TACC2: variants seen among roughly 807,000 people sequenced by gnomAD.
TACC2 encodes transforming acidic coiled-coil containing protein 2.
In TACC2, 137 loss-of-function variants were observed where a neutral mutation model predicts 227.3. The ratio of observed to expected loss-of-function variants is 0.60; its 90% CI spans 0.52 to 0.69. The LOEUF is 0.69. TACC2 is among the 30% of genes least tolerant of loss of function. The pLI, the probability that TACC2 is intolerant of heterozygous loss-of-function variation, is 0.00. For missense variants in TACC2, 3,470 were observed against 3,694.4 expected, an observed-to-expected ratio of 0.94 and a Z score of 1.57; for synonymous variants, 1,523 against 1,487.5, an observed-to-expected ratio of 1.02 and a Z score of -0.55.
intron 5 of TACC2, among the ~76,000 whole-genome samples, chr10:122,107,876 A>ATTTTTTTTTTTTTTTTT (rs1464725854): frequency 3.5e-5 from 3 of 85,586 alleles, no homozygotes; most frequent in South Asian, 4.2e-4. Context: ...ATATATATAT[A>ATTTTTTTTTTTTTTTTT]TATATTTTTT....
chr10:122,119,835 C>T (rs545219246), intron 5 of TACC2, among the ~76,000 whole-genome samples: 24 of 151,904 alleles, frequency 1.6e-4, no homozygotes, highest in Non-Finnish European at 3.2e-4. Flanking sequence ...AGGAGAATTG[C>T]TTAAACCCGG....
chr10:122,042,263 G>T (rs2136031747), intron 2 of TACC2, among the ~76,000 whole-genome samples: 1 of 151,754 alleles, frequency 6.6e-6, no homozygotes, highest in African/African-American at 2.4e-5. Context: ...TTCTTTTTGA[G>T]AGAGAGTCTC....
chr10:122,172,513 C>G lies in TACC2; in HGVS notation c.5835-22527C>G, dbSNP rs151238936. Among the ~76,000 whole-genome samples the G allele has an allele frequency of 2.9e-3, 437 of 152,320 alleles. 1 individual carries two copies. The highest frequency in any genetic ancestry group is 9.8e-3 in the African/African-American group (409 of 41,574). On this transcript the variant is annotated intron_variant, in intron 7 of 22. Coordinates refer to ENST00000369005, the MANE Select transcript of TACC2 (RefSeq NM_206862.4). ...CCCCTGGTGGAAGCTGCACATTGTT[C>G]ATTGTTCTGCGTTAAAGGGAGGCGC...
At chr10:122,249,474 AC>A in intron 21 of TACC2, 69 bp from the exon 22 acceptor site, 2 of 1,575,498 alleles carry the variant, frequency 1.3e-6, no homozygotes, top group Non-Finnish European at 1.7e-6. Flanking sequence ...CCCTGCCTGG[AC>A]CTGGGAAGCA....
In TACC2 at chr10:122,194,347, C is replaced by T. The variant is rs571917851; in HGVS notation, c.5835-693C>T. ...GTGAAGAGTCTTCCTTGAGAACAGA[C>T]TTTCCTGCAGACCAGCGAGGGCCAT... On this transcript the variant is annotated intron_variant, in intron 7 of 22. Transcript: ENST00000369005. The surrounding 1 kb of genome is among the most constrained non-coding windows in gnomAD (Gnocchi z 4.4). 6.6e-6 allele frequency among the ~76,000 whole-genome samples: 1 copy of T among 152,308 alleles called. No homozygotes were observed. Among genetic ancestry groups the T allele is most frequent in the South Asian group, 2.1e-4 (1 of 4,814 alleles).
Position 122,087,745 on chromosome 10 carries a change from C to G in TACC2, c.5245C>G (p.Pro1749Ala). Residue 1749 changes from proline (P) to alanine (A), a missense_variant, in exon 4 of 23, where the codon CCA (proline) becomes GCA (alanine). Physicochemically the swap from Pro to Ala is conservative, Grantham distance 27. Coordinates refer to ENST00000369005, the MANE Select transcript of TACC2 (RefSeq NM_206862.4). ...GGTGCTGCCAGGAAGCTGTCAGGACCCAGCCTGCTCTGACAAGGCTCCGGG... is the reference window on the plus strand; with the variant it reads ...GGTGCTGCCAGGAAGCTGTCAGGACGCAGCCTGCTCTGACAAGGCTCCGGG... ...DLVLPGSCQD[P>A]ACSDKAPGME... is the part of the protein sequence containing the mutation. 4 of 1,611,364 alleles carry G rather than the reference C, an allele frequency of 2.5e-6. No homozygotes were observed. Among genetic ancestry groups the G allele is most frequent in the Non-Finnish European group, 3.4e-6 (4 of 1,179,104 alleles).
At chr10:122,246,322 G>T (rs1306076531) in intron 19 of TACC2, among the ~76,000 whole-genome samples, 1 of 152,186 alleles carries the variant, frequency 6.6e-6, no homozygotes. Context: ...GCAAGCTTAT[G>T]TCGGGACCGG....
Position 122,113,535 on chromosome 10 carries a change from G to T in TACC2, c.5574-19074G>T, listed in dbSNP as rs544405623. Among the ~76,000 whole-genome samples, 4 of 152,234 alleles carry T rather than the reference G, an allele frequency of 2.6e-5. No individual in the cohort carries two copies. The South Asian group carries it at 8.3e-4, about 32-fold the overall frequency. The stretch of plus-strand genomic sequence containing the variant: ...GCGCCAGTGGCTGGGATTCCCGCTC[G>T]CGGTTGGGGTCCCCGCGCGTGGTTG... On this transcript the variant is annotated intron_variant, in intron 5 of 22. Coordinates refer to ENST00000369005, the MANE Select transcript of TACC2 (RefSeq NM_206862.4).
chr10:122,202,922 T>C (rs1468928999), intron 8 of TACC2, among the ~76,000 whole-genome samples: 1 of 151,248 alleles, frequency 6.6e-6, no homozygotes, highest in Non-Finnish European at 1.5e-5. Flanking sequence ...CCGCCCTTAA[T>C]CCATTCAACC....
intron 7 of TACC2, among the ~76,000 whole-genome samples, chr10:122,189,163 G>T (rs1160147265): frequency 6.6e-6 from 1 of 152,144 alleles, no homozygotes. Context: ...CCAGCGAGGT[G>T]TGTGTGTGTG....
Position 122,040,147 on chromosome 10 carries a change from T to C in TACC2, c.34-10291T>C, listed in dbSNP as rs1037443613. Among the ~76,000 whole-genome samples the C allele has an allele frequency of 2.0e-5, 3 of 152,156 alleles. No homozygotes were observed. The East Asian group carries it at 5.8e-4, about 29-fold the overall frequency. ...TGCACAGGTGATGTATTGCACCACC[T>C]GATGGTTGGAAATGAAGAGAAATGT... is the stretch of plus-strand genomic sequence containing the variant. On this transcript the variant is annotated intron_variant, in intron 2 of 22. Coordinates refer to ENST00000369005, the MANE Select transcript of TACC2 (RefSeq NM_206862.4).
Position 122,163,893 on chromosome 10 carries a change from G to A in TACC2, c.5834+20187G>A, listed in dbSNP as rs1387074372. ...TCGCGCCAGGACGCTGGCCCCGCTCGCGGCTAGCTTGCACGCCAGGGCACA... is the reference window on the plus strand; with the variant it reads ...TCGCGCCAGGACGCTGGCCCCGCTCACGGCTAGCTTGCACGCCAGGGCACA... On this transcript the variant is annotated intron_variant, in intron 7 of 22. Coordinates refer to ENST00000369005, the MANE Select transcript of TACC2 (RefSeq NM_206862.4). 2.6e-6 allele frequency: 4 copies of A among 1,548,600 alleles called. No individual in the cohort carries two copies. In the African/African-American group the frequency reaches 5.5e-5, roughly 21 times the overall value.
chr10:122,016,491 C>T (rs554482123), intron 1 of TACC2, among the ~76,000 whole-genome samples: 25 of 150,714 alleles, frequency 1.7e-4, no homozygotes, highest in African/African-American at 5.6e-4. Flanking sequence ...TGCTTGAACC[C>T]GGGAGATGGA....
At chr10:122,131,124 G>A (rs930368742) in intron 5 of TACC2, among the ~76,000 whole-genome samples, 3 of 149,498 alleles carry the variant, frequency 2.0e-5, no homozygotes, top group Non-Finnish European at 2.9e-5. Flanking sequence ...GTTACAGTGA[G>A]CCGTCATGGA....
intron 3 of TACC2, among the ~76,000 whole-genome samples, chr10:122,066,896 T>C (rs970510814): frequency 6.6e-6 from 1 of 152,252 alleles, no homozygotes; most frequent in Non-Finnish European, 1.5e-5. Context: ...ATCTTTAATA[T>C]CTCACAATCT....
Position 122,083,926 on chromosome 10 carries a change from G to A in TACC2, c.1426G>A (p.Gly476Arg). 1 of 1,614,094 alleles carries A rather than the reference G, an allele frequency of 6.2e-7. No homozygotes were observed. The highest frequency in any genetic ancestry group is 1.1e-5 in the South Asian group (1 of 91,082). ...ACTGGAGAGGCAGGTGTCAGATCTTGGAAGCAAGGGAGAGCATCCAGAAGG... is the reference window on the plus strand; with the variant it reads ...ACTGGAGAGGCAGGTGTCAGATCTTAGAAGCAAGGGAGAGCATCCAGAAGG... ...VGLERQVSDL[G>R]SKGEHPEGDP... The change falls in exon 4 of 23, where the codon GGA (glycine) becomes AGA (arginine). Residue 476 changes from glycine (G) to arginine (R), a missense_variant. Physicochemically the swap from Gly to Arg is moderately radical, Grantham distance 125 (BLOSUM62 -2). Transcript: ENST00000369005.
At chr10:122,097,104 T>C (rs1032383163) in intron 5 of TACC2, among the ~76,000 whole-genome samples, 4 of 152,246 alleles carry the variant, frequency 2.6e-5, no homozygotes, top group South Asian at 2.1e-4. Context: ...GGTGGGAGGA[T>C]TGCTTGAGCC....
At chr10:122,003,954 C>T (rs893806127) in intron 1 of TACC2, among the ~76,000 whole-genome samples, 1 of 152,058 alleles carries the variant, frequency 6.6e-6, no homozygotes, top group Non-Finnish European at 1.5e-5. Flanking sequence ...CTGCGCCCAG[C>T]CCTAAACTGC....
chr10:122,004,393 G>A (rs1179579623), intron 1 of TACC2, among the ~76,000 whole-genome samples: 3 of 134,074 alleles, frequency 2.2e-5, no homozygotes, highest in Non-Finnish European at 3.3e-5. Context: ...GCGAGACTCT[G>A]TCTCAAAAAA....
Sources: gnomAD v4.1 joint callset for allele counts (sites outside exome capture counted in the v4.1 genomes callset) on GRCh38, gnomAD v4.1.1 for gene constraint, Gnocchi (gnomAD v3.1) non-coding constraint, MANE v1.5 for transcripts, NCBI Gene and HGNC (gene_info 2026-07-23, HGNC 2026-07-21) for gene names.